The following PRKG1 variants were observed in gnomAD, a reference collection of about 807,000 sequenced individuals.
PRKG1 encodes the protein cGMP-dependent protein kinase 1.
A neutral mutation model predicts 88.1 loss-of-function variants in PRKG1; 35 were observed. The ratio of observed to expected loss-of-function variants is 0.40; its 90% CI spans 0.30 to 0.53. The LOEUF is 0.53. Ranked by LOEUF, PRKG1 falls within the 20% of genes least tolerant of loss-of-function variation. The pLI, the probability that PRKG1 is intolerant of heterozygous loss-of-function variation, is 0.59. For missense variants in PRKG1, 540 were observed against 839.8 expected (o/e 0.64, Z 4.41); for synonymous variants, 303 against 292.5 (o/e 1.04, Z -0.37).
At chr10:51,540,621 A>G (rs1201367796) in intron 3 of PRKG1, among the ~76,000 whole-genome samples, 2 of 152,160 alleles carry the variant, frequency 1.3e-5, no homozygotes, top group Non-Finnish European at 2.9e-5. Flanking sequence ...CACATTTAGA[A>G]TATTTGAGCT....
At chr10:51,527,158 G>A (rs1372742197) in intron 3 of PRKG1, among the ~76,000 whole-genome samples, 1 of 152,038 alleles carries the variant, frequency 6.6e-6, no homozygotes, top group East Asian at 1.9e-4. Flanking sequence ...TTATCCTATG[G>A]CAAAGGTGAA....
At chr10:51,232,915 G>A (rs912637824) in intron 2 of PRKG1, among the ~76,000 whole-genome samples, 6 of 152,088 alleles carry the variant, frequency 3.9e-5, no homozygotes, top group Admixed American at 1.3e-4. Context: ...TAATCAAAAG[G>A]GAGCTAACCT....
intron 2 of PRKG1, among the ~76,000 whole-genome samples, chr10:51,249,102 G>A (rs1483755089): frequency 2.0e-5 from 3 of 151,568 alleles, no homozygotes; most frequent in East Asian, 3.9e-4. Context: ...TTTAAGAGGC[G>A]AGGAAGACAG....
chr10:52,218,390 C>T (rs541215293), intron 9 of PRKG1, among the ~76,000 whole-genome samples: 1 of 151,980 alleles, frequency 6.6e-6, no homozygotes, highest in East Asian at 1.9e-4. Context: ...AAGAAATTCT[C>T]ATAAAAAGCA....
intron 5 of PRKG1, among the ~76,000 whole-genome samples, chr10:52,034,702 A>G (rs1419428782): frequency 1.3e-5 from 2 of 151,912 alleles, no homozygotes; most frequent in Non-Finnish European, 2.9e-5. Context: ...GGCAGTGTAA[A>G]CAAGAGCAGG....
intron 5 of PRKG1, among the ~76,000 whole-genome samples, chr10:52,026,603 G>A (rs992141344): frequency 6.6e-6 from 1 of 152,184 alleles, no homozygotes; most frequent in African/African-American, 2.4e-5. Flanking sequence ...CCTTTTAGGG[G>A]TGATGAAAAG....
intron 2 of PRKG1, among the ~76,000 whole-genome samples, chr10:51,303,063 A>G (rs552650254): frequency 6.6e-6 from 1 of 152,130 alleles, no homozygotes; most frequent in Non-Finnish European, 1.5e-5. Context: ...AACCGGGTTA[A>G]GATTGGTTTG....
At chr10:51,800,309 T>A (rs1295605359) in intron 3 of PRKG1, among the ~76,000 whole-genome samples, 1 of 152,074 alleles carries the variant, frequency 6.6e-6, no homozygotes, top group African/African-American at 2.4e-5. Context: ...CAAATACAGA[T>A]GCTCCTGGAC....
At chr10:51,046,970 A>T (rs1003125003) in intron 1 of PRKG1, among the ~76,000 whole-genome samples, 1 of 152,192 alleles carries the variant, frequency 6.6e-6, no homozygotes, top group Non-Finnish European at 1.5e-5. Flanking sequence ...CACAACCGGA[A>T]ATATCCATGT....
intron 3 of PRKG1, among the ~76,000 whole-genome samples, chr10:51,788,021 C>T (rs573224346): frequency 1.1e-3 from 174 of 152,256 alleles, no homozygotes; most frequent in Non-Finnish European, 1.7e-3. Context: ...CTCGATAACA[C>T]TCTGAGTATC....
chr10:51,508,429 T>G (rs1589029518), intron 3 of PRKG1, among the ~76,000 whole-genome samples: 2 of 152,174 alleles, frequency 1.3e-5, no homozygotes, highest in East Asian at 3.8e-4. Flanking sequence ...CATGCATTAA[T>G]GACAAACTAT....
intron 3 of PRKG1, among the ~76,000 whole-genome samples, chr10:51,645,677 T>C (rs1371032246): frequency 6.6e-6 from 1 of 152,118 alleles, no homozygotes; most frequent in Non-Finnish European, 1.5e-5. Flanking sequence ...ATAAGCAAAA[T>C]GAAAACAAAA....
intron 4 of PRKG1, among the ~76,000 whole-genome samples, chr10:51,819,124 ACC>A (rs1839676722): frequency 6.6e-6 from 1 of 151,314 alleles, no homozygotes; most frequent in Non-Finnish European, 1.5e-5. Context: ...GAAGCATGAT[ACC>A]TGCATCTGTA....
intron 9 of PRKG1, among the ~76,000 whole-genome samples, chr10:52,213,667 G>A (rs1327964090): frequency 6.6e-6 from 1 of 152,148 alleles, no homozygotes; most frequent in Non-Finnish European, 1.5e-5. Flanking sequence ...TTCCAGGAAT[G>A]GGATAGTCAC....
At chr10:51,873,735 G>A (rs1399789483) in intron 4 of PRKG1, among the ~76,000 whole-genome samples, 4 of 151,986 alleles carry the variant, frequency 2.6e-5, no homozygotes, top group Non-Finnish European at 5.9e-5. Flanking sequence ...CGCCATGTTG[G>A]CCAGGCTGGT....
At chr10:51,501,207 A>T (rs912724734) in intron 3 of PRKG1, among the ~76,000 whole-genome samples, 1 of 152,146 alleles carries the variant, frequency 6.6e-6, no homozygotes, top group Non-Finnish European at 1.5e-5. Context: ...GTTTATAACC[A>T]AAGGATTATA....
chr10:51,346,359 G>A (rs1842114114), intron 2 of PRKG1, among the ~76,000 whole-genome samples: 1 of 152,168 alleles, frequency 6.6e-6, no homozygotes, highest in South Asian at 2.1e-4. Context: ...TGTCTTTTAG[G>A]ATGAAAATAT....
At chr10:51,173,414 G>C in intron 2 of PRKG1, among the ~76,000 whole-genome samples, 1 of 150,828 alleles carries the variant, frequency 6.6e-6, no homozygotes, top group East Asian at 1.9e-4. Context: ...GTTGGGCAGT[G>C]TGTGTGTGTG....
At chr10:51,159,783 A>T (rs1846314713) in intron 2 of PRKG1, among the ~76,000 whole-genome samples, 1 of 152,146 alleles carries the variant, frequency 6.6e-6, no homozygotes, top group Non-Finnish European at 1.5e-5. Flanking sequence ...GGAAGAAAGG[A>T]TGACTGTTTT....
Sources: gnomAD v4.1 joint callset for allele counts (sites outside exome capture counted in the v4.1 genomes callset) on GRCh38, gnomAD v4.1.1 for gene constraint, MANE v1.5 for transcripts, NCBI Gene and HGNC (gene_info 2026-07-23, HGNC 2026-07-21) for gene names.